Variants in HAT1 observed in about 807,000 individuals in gnomAD.
HAT1 encodes histone acetyltransferase type B catalytic subunit.
In HAT1, 20 loss-of-function variants were observed where a neutral mutation model predicts 56.6. That is an observed-to-expected ratio of 0.35 (90% confidence interval 0.25 to 0.51). The LOEUF is 0.51. Among genes scored for constraint, HAT1 ranks in the 20% least tolerant of loss-of-function variants. The probability of loss-of-function intolerance (pLI) is 0.95; values close to 1 mark genes in which losing one functional copy is unlikely to be tolerated. For missense variants in HAT1, 408 were observed against 504.3 expected (o/e 0.81, Z 1.83); for synonymous variants, 146 against 165.5 (o/e 0.88, Z 0.91).
At chr2:171,942,285 A>G (rs961795975) in intron 2 of HAT1, among the ~76,000 whole-genome samples, 65 of 152,330 alleles carry the variant, frequency 4.3e-4, no homozygotes, top group African/African-American at 1.5e-3. Context: ...GTGGTAATAC[A>G]TATTTTGCAG....
intron 9 of HAT1, 21 bp downstream of exon 9, chr2:171,976,329 GA>G: frequency 6.9e-7 from 1 of 1,444,696 alleles, no homozygotes; most frequent in Non-Finnish European, 9.4e-7. Flanking sequence ...TCTGTAGGAG[GA>G]AAACAGATTT....
chr2:171,945,732 G>C (rs986069960), intron 2 of HAT1, among the ~76,000 whole-genome samples: 1 of 151,928 alleles, frequency 6.6e-6, no homozygotes, highest in African/African-American at 2.4e-5. Flanking sequence ...GCAGTGGCAC[G>C]ATCTCGGCTC....
At position 171,944,143 on chromosome 2, in the gene HAT1, C is replaced by CA. The variant is rs36067235; in HGVS notation, c.113-2550dup. 2.7e-3 allele frequency among the ~76,000 whole-genome samples: 379 copies of CA among 138,138 alleles called. 1 individual carries two copies. Among genetic ancestry groups the CA allele is most frequent in the African/African-American group, 6.4e-3 (232 of 36,304 alleles). 90.6% of individuals were successfully genotyped at this position (138,138 alleles called of 152,430 possible). ...CCTGGGTGACAATGAAACCCTGTCTCAAAAAAAAAAAAAAATACTTAAACA... is the reference window on the plus strand; with the variant it reads ...CCTGGGTGACAATGAAACCCTGTCTCAAAAAAAAAAAAAAAATACTTAAACA... On this transcript the variant is annotated intron_variant, in intron 2 of 10. Transcript: ENST00000264108.
chr2:171,942,768 A>G (rs954825862), intron 2 of HAT1, among the ~76,000 whole-genome samples: 1 of 152,166 alleles, frequency 6.6e-6, no homozygotes, highest in South Asian at 2.1e-4. Flanking sequence ...TTTAGTTCCT[A>G]TTTTCTGTGG....
chr2:171,943,726 C>CAT (rs141557606), intron 2 of HAT1, among the ~76,000 whole-genome samples: 15,616 of 142,812 alleles, frequency 0.11, 1,224 homozygotes, highest in African/African-American at 0.23. Context: ...TATGGACATT[C>CAT]ATATATATAT....
At chr2:171,942,007 C>T (rs1488906973) in intron 2 of HAT1, among the ~76,000 whole-genome samples, 4 of 152,108 alleles carry the variant, frequency 2.6e-5, no homozygotes, top group Non-Finnish European at 5.9e-5. Context: ...TGGGTTCAAG[C>T]AATTCTCCTA....
At chr2:171,973,850 A>C (rs565788426) in intron 8 of HAT1, among the ~76,000 whole-genome samples, 1 of 152,230 alleles carries the variant, frequency 6.6e-6, no homozygotes, top group Admixed American at 6.5e-5. Flanking sequence ...TTCTGGTACC[A>C]AAAAGGTTGG....
chr2:171,972,247 T>G (rs954651825), intron 8 of HAT1, among the ~76,000 whole-genome samples: 5 of 151,378 alleles, frequency 3.3e-5, no homozygotes, highest in South Asian at 4.2e-4. Context: ...TTTTGTTGTT[T>G]TTTTTTTTGT....
rs756586898 is a variant in HAT1 at position 171,965,775 on chromosome 2, C to CT, written c.490-7dup. The CT allele has an allele frequency of 5.0e-6, 8 of 1,610,674 alleles. No individual in the cohort carries two copies. The African/African-American group carries it at 8.0e-5, about 16-fold the overall frequency. The stretch of plus-strand genomic sequence containing the variant: ...ATGAGTTTCACCTGACTTTTCCTGG[C>CT]TTTTTCCCTAGGCTGACATGACATG... On this transcript the variant is annotated splice_polypyrimidine_tract_variant and intron_variant, in intron 5 of 10. Transcript: ENST00000264108.
intron 3 of HAT1, among the ~76,000 whole-genome samples, chr2:171,951,063 G>A (rs1201346200): frequency 3.3e-5 from 5 of 151,658 alleles, no homozygotes; most frequent in Non-Finnish European, 7.4e-5. Flanking sequence ...CACCCACCTC[G>A]GCCTCCCGAA....
At chr2:171,949,566 T>C (rs1184398236) in intron 3 of HAT1, among the ~76,000 whole-genome samples, 1 of 151,378 alleles carries the variant, frequency 6.6e-6, no homozygotes, top group African/African-American at 2.4e-5. Flanking sequence ...CCCAGCTACT[T>C]GGGAAGCTGA....
chr2:171,974,223 A>T (rs1407446999), intron 8 of HAT1, among the ~76,000 whole-genome samples: 6 of 144,894 alleles, frequency 4.1e-5, no homozygotes, highest in South Asian at 2.2e-4. Flanking sequence ...AAAAAAAAGA[A>T]ATATCTCCAT....
chr2:171,952,802 A>G, intron 3 of HAT1, 79 bp from the exon 4 acceptor site: 1 of 837,974 alleles, frequency 1.2e-6, no homozygotes. Flanking sequence ...CCATGAAGTT[A>G]AACTTGTTTA....
At chr2:171,983,132 A>G in intron 10 of HAT1, 53 bp from the exon 11 acceptor site, 2 of 1,083,998 alleles carry the variant, frequency 1.8e-6, no homozygotes, top group South Asian at 1.7e-5. Flanking sequence ...TTGTAAGACT[A>G]TAAGGAAATA....
chr2:171,941,772 C>T (rs1687024906), intron 2 of HAT1, among the ~76,000 whole-genome samples: 1 of 152,224 alleles, frequency 6.6e-6, no homozygotes, highest in African/African-American at 2.4e-5. Flanking sequence ...TCCTGCTGTG[C>T]AGCCTGGTTC....
chr2:171,932,337 T>C (rs1440476821), intron 2 of HAT1, among the ~76,000 whole-genome samples: 1 of 152,196 alleles, frequency 6.6e-6, no homozygotes, highest in Non-Finnish European at 1.5e-5. Flanking sequence ...AGAATTTGTA[T>C]AAGACTGCAT....
intron 2 of HAT1, among the ~76,000 whole-genome samples, chr2:171,930,366 C>T (rs927775125): frequency 2.0e-5 from 3 of 152,068 alleles, no homozygotes; most frequent in Non-Finnish European, 2.9e-5. Flanking sequence ...GACAGGGTTT[C>T]GCCTTGTTAC....
chr2:171,965,358 A>C lies in HAT1; in HGVS notation c.330A>C (p.Lys110Asn), dbSNP rs1159353639. The change falls in exon 5 of 11, where the codon AAA (lysine) becomes AAC (asparagine). Residue 110 changes from lysine to asparagine, a missense_variant. Coordinates refer to ENST00000264108, the MANE Select transcript of HAT1 (RefSeq NM_003642.4). ...DCVEADDVEG[K>N]IRQIIPPGFC... ...TTTAGGCAGATGATGTTGAGGGCAA[A>C]ATTAGACAAATCATTCCACCTGGAT... 8 of 1,607,178 alleles carry C rather than the reference A, an allele frequency of 5.0e-6. No individual in the cohort carries two copies. The highest frequency in any genetic ancestry group is 1.7e-5 in the Admixed American group (1 of 59,384).
intron 2 of HAT1, among the ~76,000 whole-genome samples, chr2:171,936,752 T>G (rs1404902571): frequency 1.3e-5 from 2 of 152,282 alleles, no homozygotes; most frequent in South Asian, 2.1e-4. Flanking sequence ...AAGCTTGTTT[T>G]TCAATTTAGC....
Sources: gnomAD v4.1 joint callset for allele counts (sites outside exome capture counted in the v4.1 genomes callset) on GRCh38, gnomAD v4.1.1 for gene constraint, MANE v1.5 for transcripts, NCBI Gene and HGNC (gene_info 2026-07-23, HGNC 2026-07-21) for gene names.